Variants in COL26A1 observed in about 807,000 individuals in gnomAD.
The protein encoded by COL26A1 is collagen alpha-1(XXVI) chain.
A neutral mutation model predicts 59.3 loss-of-function variants in COL26A1; 41 were observed. That is an observed-to-expected ratio of 0.69 (90% CI 0.54 to 0.90). The LOEUF (loss-of-function observed/expected upper bound fraction) is 0.90, where lower values mean the gene tolerates loss of function less well. COL26A1 is among the 40% of genes least tolerant of loss of function. The pLI is 0.00. For synonymous variants in COL26A1, 266 were observed against 256.0 expected, an observed-to-expected ratio of 1.04 and a Z score of -0.37; for missense variants, 612 against 602.3, an observed-to-expected ratio of 1.02 and a Z score of -0.17.
intron 1 of COL26A1, among the ~76,000 whole-genome samples, chr7:101,399,031 G>A (rs1214169978): frequency 6.6e-6 from 1 of 152,070 alleles, no homozygotes; most frequent in Non-Finnish European, 1.5e-5. Flanking sequence ...GACACTAGGC[G>A]TGGTGGCTCA....
intron 3 of COL26A1, among the ~76,000 whole-genome samples, chr7:101,475,864 CTCTCTTTCTT>C (rs1563000156): frequency 3.8e-5 from 5 of 131,768 alleles, no homozygotes; most frequent in Non-Finnish European, 5.2e-5. Flanking sequence ...CTCTTTTTCT[CTCTCTTTCTT>C]TCTCTTTCTC....
Position 101,539,820 on chromosome 7 carries a change from G to A in COL26A1, c.448-73G>A. 5.5e-6 allele frequency: 8 copies of A among 1,464,102 alleles called. No homozygotes were observed. The South Asian group carries it at 9.2e-5, about 17-fold the overall frequency. 90.7% of individuals were successfully genotyped at this position (1,464,102 alleles called of 1,614,324 possible). ...CAGGTCTCATGGGGTGCACATGCAT[G>A]TCCCTGTGTGTCACGCATGTCCCTA... is the stretch of plus-strand genomic sequence containing the variant. On this transcript the variant is annotated intron_variant, in intron 4 of 12. Coordinates refer to ENST00000313669, the MANE Select transcript of COL26A1 (RefSeq NM_001278563.3).
intron 1 of COL26A1, among the ~76,000 whole-genome samples, chr7:101,386,551 C>T (rs2117042172): frequency 6.6e-6 from 1 of 152,308 alleles, no homozygotes; most frequent in South Asian, 2.1e-4. Flanking sequence ...ACCGCAGGCC[C>T]CTGGGGGTCA....
chr7:101,518,962 C>T (rs1226886370), intron 3 of COL26A1, among the ~76,000 whole-genome samples: 1 of 152,158 alleles, frequency 6.6e-6, no homozygotes, highest in Non-Finnish European at 1.5e-5. Flanking sequence ...GAAAGAGTCT[C>T]GTCCCTCTAT....
At chr7:101,414,403 TCTCG>T (rs956473627) in intron 1 of COL26A1, among the ~76,000 whole-genome samples, 7 of 149,064 alleles carry the variant, frequency 4.7e-5, no homozygotes, top group East Asian at 2.0e-4. Context: ...TCTCTCTCTC[TCTCG>T]CTCGCTCTCG....
chr7:101,524,462 C>T lies in COL26A1; in HGVS notation c.386-8620C>T, dbSNP rs574826460. Reference sequence around the variant, plus strand: ...AGACCTGACATGTTTGATGTCCCAGCGTAACACACCAACCCAGTGGTATAG... The same window carrying T: ...AGACCTGACATGTTTGATGTCCCAGTGTAACACACCAACCCAGTGGTATAG... On this transcript the variant is annotated intron_variant, in intron 3 of 12. Coordinates refer to ENST00000313669, the MANE Select transcript of COL26A1 (RefSeq NM_001278563.3). Among the ~76,000 whole-genome samples, 88 of 152,226 alleles carry T rather than the reference C, an allele frequency of 5.8e-4. 1 individual carries two copies. The highest frequency in any genetic ancestry group is 1.7e-3 in the African/African-American group (72 of 41,544).
At chr7:101,510,455 C>G (rs1794898525) in intron 3 of COL26A1, among the ~76,000 whole-genome samples, 1 of 152,214 alleles carries the variant, frequency 6.6e-6, no homozygotes, top group African/African-American at 2.4e-5. Flanking sequence ...CATCCCATGT[C>G]ACACACACCT....
At chr7:101,415,215 C>T (rs1476034434) in intron 1 of COL26A1, among the ~76,000 whole-genome samples, 3 of 147,622 alleles carry the variant, frequency 2.0e-5, no homozygotes, top group African/African-American at 5.0e-5. Context: ...TGCCGTGGTG[C>T]GATCTTGGCT....
At chr7:101,499,132 G>A (rs538851324) in intron 3 of COL26A1, among the ~76,000 whole-genome samples, 1 of 152,282 alleles carries the variant, frequency 6.6e-6, no homozygotes, top group South Asian at 2.1e-4. Flanking sequence ...GAGGTGCCTT[G>A]GCTGGAGTTC....
chr7:101,455,420 T>G (rs1793445649), intron 3 of COL26A1, among the ~76,000 whole-genome samples: 1 of 152,114 alleles, frequency 6.6e-6, no homozygotes, highest in Non-Finnish European at 1.5e-5. Flanking sequence ...CACCTCTCAC[T>G]TGGGTGAGAA....
chr7:101,447,884 C>A, intron 3 of COL26A1, 97 bp downstream of exon 3: 1 of 757,200 alleles, frequency 1.3e-6, no homozygotes, highest in Non-Finnish European at 2.3e-6. Context: ...CTTTCCTTTC[C>A]TCCGTAGCTT....
chr7:101,460,803 GAA>G (rs144712446), intron 3 of COL26A1, among the ~76,000 whole-genome samples: 36,411 of 150,182 alleles, frequency 0.24, 5,050 homozygotes, highest in Middle Eastern at 0.32. Context: ...AAAAAAGAAA[GAA>G]AAGAAAACAG....
chr7:101,386,430 A>AT (rs951282028), intron 1 of COL26A1, among the ~76,000 whole-genome samples: 3 of 150,566 alleles, frequency 2.0e-5, no homozygotes, highest in South Asian at 2.1e-4. Context: ...TTTAATCTTT[A>AT]TTTTTTTTGA....
At chr7:101,555,500 G>A (rs538190598) in intron 11 of COL26A1, among the ~76,000 whole-genome samples, 6 of 152,330 alleles carry the variant, frequency 3.9e-5, no homozygotes, top group African/African-American at 1.4e-4. Context: ...GAGGCTGACA[G>A]GTGTGGATCT....
At chr7:101,383,085 G>A (rs1291701346) in intron 1 of COL26A1, among the ~76,000 whole-genome samples, 4 of 152,066 alleles carry the variant, frequency 2.6e-5, no homozygotes, top group Admixed American at 2.0e-4. Context: ...ATAACATTGT[G>A]TGTTTTTTAG....
intron 1 of COL26A1, among the ~76,000 whole-genome samples, chr7:101,364,681 G>A (rs576293167): frequency 2.0e-5 from 3 of 151,710 alleles, no homozygotes; most frequent in African/African-American, 7.3e-5. Context: ...GTGATCCCCC[G>A]ACCTTGGCCT....
chr7:101,548,123 T>C (rs1418246218), intron 8 of COL26A1, among the ~76,000 whole-genome samples: 2 of 152,144 alleles, frequency 1.3e-5, no homozygotes, highest in Non-Finnish European at 2.9e-5. Flanking sequence ...AGAGGGTACC[T>C]GGGGGCCTTC....
chr7:101,489,486 A>G (rs1469490477), intron 3 of COL26A1, among the ~76,000 whole-genome samples: 1 of 152,152 alleles, frequency 6.6e-6, no homozygotes, highest in Non-Finnish European at 1.5e-5. Flanking sequence ...GATTTCACAC[A>G]AGAAACAATT....
intron 2 of COL26A1, 29 bp downstream of exon 2, chr7:101,420,128 C>G (rs1288254290): frequency 1.2e-6 from 2 of 1,608,378 alleles, no homozygotes; most frequent in Non-Finnish European, 8.5e-7. Flanking sequence ...GGCTGCTCTG[C>G]CCTTCCCTCC....
Sources: allele counts gnomAD v4.1 joint callset (sites outside exome capture counted in the v4.1 genomes callset), GRCh38; gene constraint gnomAD v4.1.1; transcripts MANE v1.5; gene names NCBI Gene and HGNC (gene_info 2026-07-23, HGNC 2026-07-21).